Variants in CACNA1A observed in about 807,000 individuals in gnomAD.
The protein encoded by CACNA1A is voltage-dependent P/Q-type calcium channel subunit alpha-1A.
A neutral mutation model predicts 262.4 loss-of-function variants in CACNA1A; 57 were observed. The observed-to-expected ratio is 0.22, with a 90% CI of 0.18 to 0.27. The LOEUF (loss-of-function observed/expected upper bound fraction) is 0.27. Ranked by LOEUF, CACNA1A falls within the 10% of genes least tolerant of loss-of-function variation. The pLI, the probability that CACNA1A is intolerant of heterozygous loss-of-function variation, is 1.00. For missense variants in CACNA1A, 2,526 were observed against 3,562.8 expected, an observed-to-expected ratio of 0.71 and a Z score of 7.41; for synonymous variants, 1,431 against 1,419.3, an observed-to-expected ratio of 1.01 and a Z score of -0.18.
chr19:13,436,524 C>A (rs1046695806), intron 3 of CACNA1A, among the ~76,000 whole-genome samples: 2 of 151,794 alleles, frequency 1.3e-5, no homozygotes, highest in Non-Finnish European at 2.9e-5. Flanking sequence ...CTCATTCATT[C>A]ATTCACTCAC....
chr19:13,294,064 A>G (rs1294543182), intron 19 of CACNA1A, among the ~76,000 whole-genome samples: 3 of 152,014 alleles, frequency 2.0e-5, no homozygotes, highest in Non-Finnish European at 4.4e-5. Context: ...GCTGATAATA[A>G]CAGTAATATT....
At chr19:13,362,437 T>G (rs1283122991) in intron 5 of CACNA1A, 2 of 152,186 alleles carry the variant, frequency 1.3e-5, no homozygotes, top group Non-Finnish European at 2.9e-5. Flanking sequence ...ACTCCTGACC[T>G]TTTGATCCGC....
intron 7 of CACNA1A, among the ~76,000 whole-genome samples, chr19:13,335,592 G>A (rs1439254354): frequency 6.6e-6 from 1 of 152,124 alleles, no homozygotes; most frequent in Non-Finnish European, 1.5e-5. Flanking sequence ...TGTAAAGAAA[G>A]TAAAGCCCAT....
At chr19:13,423,837 C>T (rs373548228) in intron 3 of CACNA1A, among the ~76,000 whole-genome samples, 4 of 152,124 alleles carry the variant, frequency 2.6e-5, no homozygotes, top group South Asian at 4.1e-4. Flanking sequence ...CTAGAAAGTC[C>T]GCCTGAAGTT....
rs574554851 is a variant in CACNA1A, at chr19:13,269,517, T to C, written c.3989+6333A>G. ...CCTGAGGGCTCCATCTTTGGCTTCC[T>C]GACAGTTTGGCTCCTGGGTATGCAG... On this transcript the variant is annotated intron_variant, in intron 24 of 46. Transcript: ENST00000360228. 9.8e-5 allele frequency among the ~76,000 whole-genome samples: 15 copies of C among 152,352 alleles called. No homozygotes were observed. The South Asian group carries it at 3.1e-3, about 32-fold the overall frequency.
At chr19:13,351,798 G>A (rs1006531767) in intron 6 of CACNA1A, among the ~76,000 whole-genome samples, 2 of 151,890 alleles carry the variant, frequency 1.3e-5, no homozygotes, top group African/African-American at 2.4e-5. Flanking sequence ...GTGAGCCACC[G>A]CATCTGGCTA....
intron 24 of CACNA1A, chr19:13,272,990 A>T (rs961231907): frequency 6.6e-6 from 1 of 152,108 alleles, no homozygotes; most frequent in Non-Finnish European, 1.5e-5. Context: ...TTTGAGACAA[A>T]ATCTTGCTTT....
At position 13,231,401 on chromosome 19, in the gene CACNA1A, C is replaced by T. The variant is rs1054850643; in HGVS notation, c.5400+309G>A. On this transcript the variant is annotated intron_variant, in intron 35 of 46. Coordinates refer to ENST00000360228, the MANE Select transcript of CACNA1A (RefSeq NM_001127222.2). ...CCCCCTGGGGGCACCTGGCAATGTCCGGAGACATTTTTGGTTGTCACAACA... is the reference window on the plus strand; with the variant it reads ...CCCCCTGGGGGCACCTGGCAATGTCTGGAGACATTTTTGGTTGTCACAACA... 4.6e-5 allele frequency among the ~76,000 whole-genome samples: 7 copies of T among 152,162 alleles called. No individual in the cohort carries two copies. In the East Asian group the frequency reaches 1.2e-3, roughly 25 times the overall value.
intron 3 of CACNA1A, among the ~76,000 whole-genome samples, chr19:13,432,831 A>G (rs373539210): frequency 2.0e-5 from 3 of 152,052 alleles, no homozygotes; most frequent in African/African-American, 7.2e-5. Flanking sequence ...ATCCCATTGT[A>G]CTCCATGAAT....
At chr19:13,381,658 G>T (rs996597077) in intron 3 of CACNA1A, among the ~76,000 whole-genome samples, 1 of 152,306 alleles carries the variant, frequency 6.6e-6, no homozygotes, top group East Asian at 1.9e-4. Context: ...CTGGTGCAAA[G>T]GTCCTCCTCC....
chr19:13,304,970 C>T (rs1050834181), intron 15 of CACNA1A, among the ~76,000 whole-genome samples: 4 of 152,298 alleles, frequency 2.6e-5, no homozygotes, highest in South Asian at 4.1e-4. Flanking sequence ...CAAGCTACTA[C>T]GTGGATAGCA....
intron 30 of CACNA1A, among the ~76,000 whole-genome samples, chr19:13,250,491 C>T (rs575653193): frequency 8.5e-5 from 13 of 152,088 alleles, no homozygotes; most frequent in East Asian, 3.9e-4. Context: ...CCGCCTCCCA[C>T]GTTCAAATGA....
At chr19:13,349,884 C>A (rs1192168249) in intron 6 of CACNA1A, among the ~76,000 whole-genome samples, 1 of 152,166 alleles carries the variant, frequency 6.6e-6, no homozygotes, top group East Asian at 1.9e-4. Context: ...GCTGATCACC[C>A]ATCTTGATTC....
chr19:13,395,437 C>G (rs1016699880), intron 3 of CACNA1A, among the ~76,000 whole-genome samples: 3 of 149,116 alleles, frequency 2.0e-5, no homozygotes, highest in African/African-American at 7.4e-5. Flanking sequence ...ATGGTGAAAC[C>G]CTGTCTCTAC....
At chr19:13,342,367 T>A (rs1370436466) in intron 6 of CACNA1A, among the ~76,000 whole-genome samples, 1 of 152,152 alleles carries the variant, frequency 6.6e-6, no homozygotes, top group African/African-American at 2.4e-5. Context: ...CTTTGGCAGT[T>A]CAAGTTAAGG....
intron 31 of CACNA1A, among the ~76,000 whole-genome samples, chr19:13,238,648 C>T (rs545804074): frequency 6.0e-5 from 9 of 150,518 alleles, no homozygotes; most frequent in African/African-American, 1.2e-4. Flanking sequence ...TGCAATGGCA[C>T]GACCTCGGCT....
At chr19:13,430,924 G>A (rs2060493884) in intron 3 of CACNA1A, among the ~76,000 whole-genome samples, 1 of 151,970 alleles carries the variant, frequency 6.6e-6, no homozygotes, top group Non-Finnish European at 1.5e-5. Flanking sequence ...AGATATCTGG[G>A]GGAAGAGTGT....
chr19:13,265,164 G>A (rs1252461196), intron 24 of CACNA1A, among the ~76,000 whole-genome samples: 1 of 152,114 alleles, frequency 6.6e-6, no homozygotes, highest in African/African-American at 2.4e-5. Flanking sequence ...ATGAGCCACC[G>A]CACCTGGCCA....
intron 4 of CACNA1A, among the ~76,000 whole-genome samples, chr19:13,367,060 C>T (rs934262289): frequency 3.3e-5 from 5 of 152,006 alleles, no homozygotes; most frequent in South Asian, 2.1e-4. Flanking sequence ...TTTGGGAAGC[C>T]GAGGCCAGCG....
Sources: gnomAD v4.1 joint callset for allele counts (sites outside exome capture counted in the v4.1 genomes callset) on GRCh38, gnomAD v4.1.1 for gene constraint, MANE v1.5 for transcripts, NCBI Gene and HGNC (gene_info 2026-07-23, HGNC 2026-07-21) for gene names.